Variants in TENT5D observed in about 807,000 individuals in gnomAD.
TENT5D encodes the protein terminal nucleotidyltransferase 5D.
For missense variants in TENT5D, 191 were observed against 287.0 expected (o/e 0.67, Z 2.42); for synonymous variants, 103 against 100.6 (o/e 1.02, Z -0.15).
At chrX:80,433,868 C>G (rs1034108516) in intron 1 of TENT5D, among the ~76,000 whole-genome samples, 1 of 111,320 alleles carries the variant, frequency 9.0e-6, no homozygotes, top group Admixed American at 9.6e-5. Flanking sequence ...GGCATGGTGG[C>G]TCATGCCTCT....
intron 3 of TENT5D, among the ~76,000 whole-genome samples, chrX:80,401,492 C>T (rs1216610032): frequency 9.0e-6 from 1 of 111,442 alleles, no homozygotes; most frequent in Non-Finnish European, 1.9e-5. Context: ...CGTTCATGAT[C>T]TTAAAGAAAA....
intron 3 of TENT5D, among the ~76,000 whole-genome samples, chrX:80,353,313 C>T (rs1004762037): frequency 2.7e-5 from 3 of 111,715 alleles, no homozygotes; most frequent in African/African-American, 9.8e-5. Flanking sequence ...GATACATATG[C>T]AGGTTTGTTC....
intron 3 of TENT5D, among the ~76,000 whole-genome samples, chrX:80,365,376 A>G (rs1930486716): frequency 8.9e-6 from 1 of 111,781 alleles, no homozygotes; most frequent in African/African-American, 3.2e-5. Context: ...CACCTGATAC[A>G]GAGTAAGTAT....
At chrX:80,433,166 T>A (rs183902614) in intron 1 of TENT5D, among the ~76,000 whole-genome samples, 180 of 112,399 alleles carry the variant, frequency 1.6e-3, no homozygotes, top group African/African-American at 5.4e-3. Flanking sequence ...TGAAGCCTGC[T>A]GGTTATACAA....
chrX:80,402,584 A>G (rs1174396436), intron 3 of TENT5D, among the ~76,000 whole-genome samples: 1 of 111,968 alleles, frequency 8.9e-6, no homozygotes, highest in Non-Finnish European at 1.9e-5. Flanking sequence ...TTGGTATGTT[A>G]TATTTCCATT....
chrX:80,396,901 G>A (rs1931264264), intron 3 of TENT5D, among the ~76,000 whole-genome samples: 2 of 88,362 alleles, frequency 2.3e-5, no homozygotes, highest in African/African-American at 4.2e-5. Context: ...CCGGGCGGGG[G>A]GCTGACCCCC....
At chrX:80,383,007 C>G (rs1001434650) in intron 3 of TENT5D, among the ~76,000 whole-genome samples, 2 of 111,790 alleles carry the variant, frequency 1.8e-5, no homozygotes, top group Admixed American at 1.9e-4. Flanking sequence ...CACCCACTGT[C>G]CAAGCAGTCC....
At chrX:80,418,155 A>G (rs746940999), upstream of TENT5D, among the ~76,000 whole-genome samples, 117 of 110,190 alleles carry the variant, frequency 1.1e-3, no homozygotes, top group African/African-American at 3.6e-3. Flanking sequence ...GGGATCTTTA[A>G]TGATTTTTTT....
At chrX:80,374,512 A>ATT (rs1199173045) in intron 3 of TENT5D, among the ~76,000 whole-genome samples, 2 of 106,616 alleles carry the variant, frequency 1.9e-5, no homozygotes, top group African/African-American at 6.8e-5. Context: ...TTGTTTGGTG[A>ATT]TTTTTTTTTT....
chrX:80,347,063 T>G (rs1327064947), intron 3 of TENT5D, among the ~76,000 whole-genome samples: 1 of 111,999 alleles, frequency 8.9e-6, no homozygotes, highest in Non-Finnish European at 1.9e-5. Flanking sequence ...ACATTTTCTT[T>G]ATCCAGTATA....
At chrX:80,395,517 C>G (rs752239016) in intron 3 of TENT5D, among the ~76,000 whole-genome samples, 2 of 111,643 alleles carry the variant, frequency 1.8e-5, no homozygotes, top group Non-Finnish European at 3.8e-5. Context: ...ACATCCTTCC[C>G]AACACTTGTA....
At chrX:80,343,542 C>T (rs754470417) in intron 3 of TENT5D, among the ~76,000 whole-genome samples, 5 of 109,362 alleles carry the variant, frequency 4.6e-5, no homozygotes, top group Non-Finnish European at 3.8e-5. Flanking sequence ...GGATTACAGG[C>T]ATGCACCACC....
chrX:80,435,003 T>G (rs1161602465), intron 1 of TENT5D, among the ~76,000 whole-genome samples: 1 of 110,105 alleles, frequency 9.1e-6, no homozygotes, highest in Non-Finnish European at 1.9e-5. Flanking sequence ...CAGGATAGTC[T>G]CGATCTCCTG....
rs183146524 is a variant in TENT5D, at chrX:80,391,318, A to G, written c.-141-47292A>G. 4.8e-3 allele frequency among the ~76,000 whole-genome samples: 538 copies of G among 111,889 alleles called. 1 individual carries two copies. The highest frequency in any genetic ancestry group is 0.016 in the African/African-American group (500 of 30,871). On this transcript the variant is annotated intron_variant, in intron 3 of 4. Transcript: ENST00000538312. ...GATATACTAGGGAGGTGAGGTTAAT[A>G]TAATTTTATTCTTTTTTAACTAAAA...
chrX:80,402,456 A>AT (rs1387926206), intron 3 of TENT5D, among the ~76,000 whole-genome samples: 6 of 111,014 alleles, frequency 5.4e-5, no homozygotes, highest in Non-Finnish European at 9.5e-5. Flanking sequence ...TTAGTTTGTT[A>AT]TTTTTTCTAT....
At chrX:80,423,483 G>T (rs1464603968) in intron 1 of TENT5D, among the ~76,000 whole-genome samples, 1 of 110,964 alleles carries the variant, frequency 9.0e-6, no homozygotes, top group East Asian at 2.8e-4. Context: ...GGATGGGAAG[G>T]AATGTGCATA....
At chrX:80,407,188 T>C (rs1398968079) in intron 3 of TENT5D, among the ~76,000 whole-genome samples, 1 of 106,448 alleles carries the variant, frequency 9.4e-6, no homozygotes, top group Non-Finnish European at 1.9e-5. Flanking sequence ...AGAAACTGCA[T>C]CAACTAACGA....
chrX:80,374,386 G>A (rs1569360981), intron 3 of TENT5D, among the ~76,000 whole-genome samples: 2 of 111,394 alleles, frequency 1.8e-5, no homozygotes, highest in Admixed American at 9.6e-5. Context: ...TCAAGTGGCA[G>A]TTGTGTTCTT....
chrX:80,443,146 G>A (rs959936581), exon 3 of TENT5D: 7 of 1,211,063 alleles, frequency 5.8e-6, no homozygotes, highest in Non-Finnish European at 7.8e-6. Flanking sequence ...TCCTGTTGTG[G>A]TAGCTGAAAG....
Sources: gnomAD v4.1 joint callset for allele counts (sites outside exome capture counted in the v4.1 genomes callset) on GRCh38, gnomAD v4.1.1 for gene constraint, MANE v1.5 for transcripts, NCBI Gene and HGNC (gene_info 2026-07-23, HGNC 2026-07-21) for gene names.